The following DET1 variants were observed in gnomAD, a reference collection of about 807,000 sequenced individuals.
DET1 encodes DET1 homolog.
In DET1, 22 loss-of-function variants were observed where a neutral mutation model predicts 43.7. That is an observed-to-expected ratio of 0.50 (90% confidence interval 0.36 to 0.72). DET1 has a LOEUF of 0.72. Ranked by LOEUF, DET1 falls within the 30% of genes least tolerant of loss-of-function variation. The pLI is 0.00. For missense variants in DET1, 713 were observed against 713.3 expected (o/e 1.00, Z 0.00); for synonymous variants, 315 against 266.2 (o/e 1.18, Z -1.79).
chr15:88,542,837 A>G (rs1043953947), intron 1 of DET1, among the ~76,000 whole-genome samples: 6 of 152,170 alleles, frequency 3.9e-5, no homozygotes, highest in Non-Finnish European at 8.8e-5. Flanking sequence ...CTAGGAAAAG[A>G]CCAATGTGCC....
chr15:88,543,757 G>A (rs1320531794), intron 1 of DET1, among the ~76,000 whole-genome samples: 2 of 152,272 alleles, frequency 1.3e-5, no homozygotes, highest in African/African-American at 2.4e-5. Context: ...CAGCAGGTAC[G>A]CCTTTGCTAC....
At chr15:88,520,006 G>GC (rs2056446351) in intron 3 of DET1, among the ~76,000 whole-genome samples, 1 of 151,978 alleles carries the variant, frequency 6.6e-6, no homozygotes, top group Non-Finnish European at 1.5e-5. Context: ...CTTTTTTAAA[G>GC]CCCCCATCAG....
At chr15:88,534,298 C>G (rs971265141) in intron 1 of DET1, among the ~76,000 whole-genome samples, 1 of 152,116 alleles carries the variant, frequency 6.6e-6, no homozygotes, top group Non-Finnish European at 1.5e-5. Flanking sequence ...TAATCAAACA[C>G]CACCTTCTCT....
intron 3 of DET1, among the ~76,000 whole-genome samples, chr15:88,519,761 G>A (rs2056440651): frequency 6.6e-6 from 1 of 152,108 alleles, no homozygotes; most frequent in Admixed American, 6.5e-5. Context: ...TTCCGTGCCT[G>A]TACTACTTGG....
At chr15:88,545,986 C>A (rs910852814) in intron 1 of DET1, among the ~76,000 whole-genome samples, 1 of 151,374 alleles carries the variant, frequency 6.6e-6, no homozygotes, top group Non-Finnish European at 1.5e-5. Context: ...AAAGCCCCTG[C>A]ACCTGGAACT....
At chr15:88,536,137 G>A (rs1320989485) in intron 1 of DET1, among the ~76,000 whole-genome samples, 1 of 152,132 alleles carries the variant, frequency 6.6e-6, no homozygotes, top group Non-Finnish European at 1.5e-5. Flanking sequence ...GAAAGAAGTG[G>A]AACAACATTA....
intron 3 of DET1, among the ~76,000 whole-genome samples, chr15:88,519,303 T>A (rs1387497974): frequency 6.6e-6 from 1 of 152,178 alleles, no homozygotes; most frequent in Non-Finnish European, 1.5e-5. Flanking sequence ...TGTCCAGCTA[T>A]ACCTCTCTTA....
intron 2 of DET1, among the ~76,000 whole-genome samples, chr15:88,528,700 G>A (rs2056733208): frequency 6.6e-6 from 1 of 152,182 alleles, no homozygotes; most frequent in Non-Finnish European, 1.5e-5. Flanking sequence ...AACTACTTCT[G>A]ACAGGACTCT....
intron 1 of DET1, among the ~76,000 whole-genome samples, chr15:88,541,442 T>G (rs1194544232): frequency 2.0e-5 from 3 of 151,590 alleles, no homozygotes; most frequent in South Asian, 2.1e-4. Context: ...TTTGTCTCTG[T>G]GTCTTTTTCT....
chr15:88,543,063 A>G (rs926301314), intron 1 of DET1, among the ~76,000 whole-genome samples: 1 of 152,222 alleles, frequency 6.6e-6, no homozygotes, highest in African/African-American at 2.4e-5. Flanking sequence ...CAGACACCGA[A>G]GAACAGGCTT....
intron 3 of DET1, among the ~76,000 whole-genome samples, chr15:88,520,940 CCTACATT>C (rs1353334964): frequency 1.4e-4 from 21 of 152,186 alleles, no homozygotes; most frequent in African/African-American, 5.1e-4. Context: ...ACCCTACCTG[CCTACATT>C]CTACTCTTAA....
chr15:88,513,025 G>T lies in DET1; in HGVS notation c.1579C>A (p.Pro527Thr), dbSNP rs1324416253. ...LVAFTFHPFE[P>T]FAISVQRTNA... ...GTCCTCTGCACAGAAATAGCGAAAG[G>T]CTCAAAAGGGTGAAAGGTGAAGGCA... is the stretch of plus-strand genomic sequence containing the variant. The change falls in exon 5 of 5, where the codon CCT becomes ACT. Residue 527 changes from proline (P) to threonine (T), a missense_variant. By Grantham distance (38) the Pro-to-Thr change is conservative (BLOSUM62 -1). Transcript: ENST00000268148. The T allele has an allele frequency of 1.2e-6, 2 of 1,614,056 alleles. No individual in the cohort carries two copies. Among genetic ancestry groups the T allele is most frequent in the South Asian group, 1.1e-5 (1 of 91,088 alleles).
intron 3 of DET1, among the ~76,000 whole-genome samples, chr15:88,525,551 T>G (rs2056638252): frequency 6.6e-6 from 1 of 152,230 alleles, no homozygotes; most frequent in Admixed American, 6.5e-5. Context: ...GACACTGGCC[T>G]TGGTGTTGTG....
chr15:88,515,565 AAAAG>A, intron 4 of DET1, among the ~76,000 whole-genome samples: 1 of 149,720 alleles, frequency 6.7e-6, no homozygotes, highest in African/African-American at 2.5e-5. Context: ...AAAAAAAAAA[AAAAG>A]ACCGAAGGGA....
intron 3 of DET1, among the ~76,000 whole-genome samples, chr15:88,524,177 G>A (rs1163953079): frequency 6.6e-6 from 1 of 151,828 alleles, no homozygotes; most frequent in Non-Finnish European, 1.5e-5. Flanking sequence ...GACCCCGTCT[G>A]GGAACTGAGG....
At chr15:88,534,166 G>T (rs1239414135) in intron 1 of DET1, among the ~76,000 whole-genome samples, 3 of 152,062 alleles carry the variant, frequency 2.0e-5, no homozygotes, top group Admixed American at 6.5e-5. Flanking sequence ...CTATTATATG[G>T]CAAAGTCTTC....
rs1381827824 is a variant in DET1 at position 88,527,716 on chromosome 15, T to G, written c.1154A>C (p.Glu385Ala). ...GAAGTTCTCAAAGAGCTCCAAAAGC[T>G]CATCTGATGTATTCTCAAACACAGC... ...VIAVFENTSDELLELFENFCD... is the reference protein window; with the variant it reads ...VIAVFENTSDALLELFENFCD... Residue 385 changes from glutamate to alanine, a missense_variant, in exon 3 of 5, where the codon GAG becomes GCG. Glu to Ala is a moderately radical substitution (Grantham distance 107). Transcript: ENST00000268148. The G allele has an allele frequency of 1.2e-6, 2 of 1,613,828 alleles. No individual in the cohort carries two copies. Among genetic ancestry groups the G allele is most frequent in the Non-Finnish European group, 1.7e-6 (2 of 1,179,830 alleles).
intron 1 of DET1, among the ~76,000 whole-genome samples, chr15:88,543,543 G>A (rs573952818): frequency 6.6e-6 from 1 of 152,332 alleles, no homozygotes; most frequent in African/African-American, 2.4e-5. Flanking sequence ...TGGCCCTAGA[G>A]AAGGCGGACG....
chr15:88,515,883 G>A (rs2056332099), intron 4 of DET1, among the ~76,000 whole-genome samples: 1 of 152,030 alleles, frequency 6.6e-6, no homozygotes, highest in African/African-American at 2.4e-5. Flanking sequence ...GTACATGAAG[G>A]TTTATTATGC....
Sources: allele counts gnomAD v4.1 joint callset (sites outside exome capture counted in the v4.1 genomes callset), GRCh38; gene constraint gnomAD v4.1.1; transcripts MANE v1.5; gene names NCBI Gene and HGNC (gene_info 2026-07-23, HGNC 2026-07-21).